Variants in NIPA2 observed in about 807,000 individuals in gnomAD.
The protein encoded by NIPA2 is magnesium transporter NIPA2.
NIPA2 carries 11 observed loss-of-function variants against 29.7 expected under a neutral mutation model. The observed-to-expected ratio is 0.37, with a 90% CI of 0.23 to 0.61. The LOEUF is 0.61. Ranked by LOEUF, NIPA2 falls within the 20% of genes least tolerant of loss-of-function variation. The pLI, the probability that NIPA2 is intolerant of heterozygous loss-of-function variation, is 0.66. For synonymous variants in NIPA2, 183 were observed against 161.9 expected, an observed-to-expected ratio of 1.13 and a Z score of -0.99; for missense variants, 426 against 437.9, an observed-to-expected ratio of 0.97 and a Z score of 0.24.
intron 5 of NIPA2, among the ~76,000 whole-genome samples, chr15:22,854,907 C>T (rs1370034956): frequency 6.6e-6 from 1 of 152,038 alleles, no homozygotes; most frequent in East Asian, 1.9e-4. Flanking sequence ...CTGATTAAAA[C>T]ATGTTTGATA....
At chr15:22,850,057 C>G (rs2057613769) in intron 3 of NIPA2, among the ~76,000 whole-genome samples, 1 of 152,070 alleles carries the variant, frequency 6.6e-6, no homozygotes, top group African/African-American at 2.4e-5. Context: ...CATCACCCAG[C>G]TTTTACCCAT....
intron 3 of NIPA2, among the ~76,000 whole-genome samples, chr15:22,845,546 C>G (rs1419689243): frequency 2.0e-5 from 3 of 152,202 alleles, no homozygotes; most frequent in African/African-American, 7.2e-5. Flanking sequence ...AAAGAGTTTA[C>G]CTTGAAGATA....
chr15:22,843,016 AGAG>A (rs1269793613), intron 2 of NIPA2, among the ~76,000 whole-genome samples: 2 of 151,100 alleles, frequency 1.3e-5, no homozygotes, highest in African/African-American at 4.9e-5. Flanking sequence ...AAAAAAAAAA[AGAG>A]AGATCTAAAA....
At position 22,867,026 on chromosome 15, in the gene NIPA2, A is replaced by C. The variant is rs568160249; in HGVS notation, c.*179A>C. The stretch of plus-strand genomic sequence containing the variant: ...GTATTTAAACAAACAATGGTAGCTC[A>C]CTAAAATGACCTCAGCACATGACGA... On this transcript the variant is annotated 3_prime_UTR_variant, in exon 8 of 8. Coordinates refer to ENST00000337451, the MANE Select transcript of NIPA2 (RefSeq NM_030922.7). The C allele has an allele frequency of 1.2e-5, 7 of 588,784 alleles. No homozygotes were observed. Among genetic ancestry groups the C allele is most frequent in the Non-Finnish European group, 2.0e-5 (7 of 343,932 alleles). The allele number at this position is 588,784 out of a possible 1,614,324, so 36.5% of individuals were successfully genotyped here.
intron 6 of NIPA2, 105 bp from the exon 7 acceptor site, chr15:22,860,524 A>G (rs1416085233): frequency 4.0e-6 from 3 of 750,596 alleles, no homozygotes; most frequent in Admixed American, 2.9e-5. Flanking sequence ...ATAAGTTCAC[A>G]GTGTTTTAGT....
Position 22,866,814 on chromosome 15 carries a change from C to G in NIPA2, c.1050C>G (p.Val350=). 1.3e-6 allele frequency: 2 copies of G among 1,598,654 alleles called. No individual in the cohort carries two copies. Among genetic ancestry groups the G allele is most frequent in the East Asian group, 4.5e-5 (2 of 44,584 alleles). Residue 350 remains valine (V), a synonymous_variant, in exon 8 of 8, where the codon GTC becomes GTG. Transcript: ENST00000337451. ...TCGAACAACACACTGGTGAAAATGT[C>G]TCCCGAAGAAATGGAAATCTGACAG... ...CGIEQHTGEN[V]SRRNGNLTAF
intron 5 of NIPA2, 70 bp downstream of exon 5, chr15:22,853,338 G>T: frequency 1.1e-6 from 1 of 921,350 alleles, no homozygotes; most frequent in Admixed American, 2.2e-5. Context: ...TGGTATTATA[G>T]CCTCATTACT....
intron 7 of NIPA2, among the ~76,000 whole-genome samples, chr15:22,863,480 G>T (rs2058758591): frequency 6.6e-6 from 1 of 152,144 alleles, no homozygotes; most frequent in Non-Finnish European, 1.5e-5. Flanking sequence ...GAGAGCTCCA[G>T]GATCTGCTCC....
At chr15:22,849,447 G>A (rs2057550094) in intron 3 of NIPA2, among the ~76,000 whole-genome samples, 1 of 152,108 alleles carries the variant, frequency 6.6e-6, no homozygotes, top group Admixed American at 6.6e-5. Flanking sequence ...ATCTGTTAAG[G>A]GAGAGGTCAG....
At position 22,860,804 on chromosome 15, in the gene NIPA2, T is replaced by C; in HGVS notation, c.448+15T>C. 6.4e-7 allele frequency: 1 copy of C among 1,564,944 alleles called. No homozygotes were observed. The highest frequency in any genetic ancestry group is 8.6e-7 in the Non-Finnish European group (1 of 1,157,706). On this transcript the variant is annotated intron_variant, in intron 7 of 7. Coordinates refer to ENST00000337451, the MANE Select transcript of NIPA2 (RefSeq NM_030922.7). ...AGGTGATCCAGGTAAGAAAAAAGTC[T>C]TATTAGTCTTACTGTATTTTACTTT...
intron 7 of NIPA2, among the ~76,000 whole-genome samples, chr15:22,865,738 C>T (rs2058992571): frequency 6.6e-6 from 1 of 152,170 alleles, no homozygotes; most frequent in South Asian, 2.1e-4. Context: ...CTTTCAAGTT[C>T]TCCAGTTGAC....
At chr15:22,865,224 C>T (rs781749509) in intron 7 of NIPA2, among the ~76,000 whole-genome samples, 3 of 151,484 alleles carry the variant, frequency 2.0e-5, no homozygotes, top group South Asian at 4.2e-4. Flanking sequence ...CGGTGGCTCA[C>T]GCCTGTAATC....
At chr15:22,844,720 C>G (rs1029362792) in intron 2 of NIPA2, among the ~76,000 whole-genome samples, 1 of 152,090 alleles carries the variant, frequency 6.6e-6, no homozygotes, top group Non-Finnish European at 1.5e-5. Context: ...CGCCACTGCA[C>G]TCCAGCCTGG....
intron 5 of NIPA2, among the ~76,000 whole-genome samples, chr15:22,854,231 G>A (rs1307038652): frequency 6.6e-6 from 1 of 151,786 alleles, no homozygotes; most frequent in East Asian, 2.0e-4. Context: ...GGGTTCAAGC[G>A]ATTCTCCTGC....
chr15:22,851,586 G>A (rs2057746730), intron 3 of NIPA2, 53 bp from the exon 4 acceptor site: 1 of 500,818 alleles, frequency 2.0e-6, no homozygotes, highest in Non-Finnish European at 3.3e-6. Flanking sequence ...TGAATTGCAT[G>A]TGAGCTGTCA....
intron 3 of NIPA2, among the ~76,000 whole-genome samples, chr15:22,847,129 C>T (rs539945983): frequency 7.4e-4 from 113 of 152,058 alleles, no homozygotes; most frequent in African/African-American, 2.3e-3. Context: ...TGGTCTCGAA[C>T]TCCCGACCTC....
chr15:22,864,838 C>T (rs1336841010), intron 7 of NIPA2, among the ~76,000 whole-genome samples: 1 of 149,880 alleles, frequency 6.7e-6, no homozygotes, highest in African/African-American at 2.5e-5. Flanking sequence ...CCTTTGCTTT[C>T]TGACTTACGA....
chr15:22,849,523 G>T (rs1437095581), intron 3 of NIPA2, among the ~76,000 whole-genome samples: 3 of 151,860 alleles, frequency 2.0e-5, no homozygotes, highest in African/African-American at 7.3e-5. Context: ...GAAGAACTCA[G>T]CACCTTTTTG....
chr15:22,866,845 TAAG>T lies in NIPA2; in HGVS notation c.*1_*3del. On this transcript the variant is annotated stop_retained_variant and 3_prime_UTR_variant, in exon 8 of 8. Coordinates refer to ENST00000337451, the MANE Select transcript of NIPA2 (RefSeq NM_030922.7). ...AAGAAATGGAAATCTGACAGCTTTT[TAAG>T]AAAGGTGTAATTAAAGGTTAATCTG... 1 of 1,587,236 alleles carries T rather than the reference TAAG, an allele frequency of 6.3e-7. No individual in the cohort carries two copies. The highest frequency in any genetic ancestry group is 2.2e-5 in the East Asian group (1 of 44,526).
Sources: gnomAD v4.1 joint callset for allele counts (sites outside exome capture counted in the v4.1 genomes callset) on GRCh38, gnomAD v4.1.1 for gene constraint, MANE v1.5 for transcripts, NCBI Gene and HGNC (gene_info 2026-07-23, HGNC 2026-07-21) for gene names.